Variants in GIN1 observed in about 807,000 individuals in gnomAD.
GIN1 encodes the protein gypsy retrotransposon integrase 1, also known as gypsy retrotransposon integrase-like protein 1.
In GIN1, 41 loss-of-function variants were observed where a neutral mutation model predicts 51.4. The ratio of observed to expected loss-of-function variants is 0.80; its 90% confidence interval spans 0.62 to 1.04. The LOEUF (loss-of-function observed/expected upper bound fraction) is 1.04, where lower values mean the gene tolerates loss of function less well. Ranked by LOEUF, GIN1 falls within the 50% of genes least tolerant of loss-of-function variation. The pLI is 0.00. For missense variants in GIN1, 610 were observed against 612.4 expected (o/e 1.00, Z 0.04); for synonymous variants, 222 against 206.5 (o/e 1.07, Z -0.64).
At chr5:103,101,005 C>T (rs1787557341) in intron 4 of GIN1, among the ~76,000 whole-genome samples, 1 of 152,086 alleles carries the variant, frequency 6.6e-6, no homozygotes, top group African/African-American at 2.4e-5. Flanking sequence ...GCAGGTAGTA[C>T]CTAACCCTAT....
chr5:103,088,725 T>C (rs34796), intron 7 of GIN1, among the ~76,000 whole-genome samples: 38,920 of 151,744 alleles, frequency 0.26, 5,465 homozygotes, highest in East Asian at 0.45. Flanking sequence ...GCCTGGGAGA[T>C]TGAGGTTGCA....
chr5:103,109,432 A>C (rs1787813504), intron 1 of GIN1, among the ~76,000 whole-genome samples: 1 of 152,124 alleles, frequency 6.6e-6, no homozygotes, highest in Non-Finnish European at 1.5e-5. Context: ...ATGCTGGAAC[A>C]AAGCAGAAAC....
At chr5:103,106,951 A>G (rs1052407896) in intron 2 of GIN1, 42 bp from the exon 3 acceptor site, 2 of 1,057,604 alleles carry the variant, frequency 1.9e-6, no homozygotes, top group African/African-American at 3.2e-5. Context: ...CAATTTTTAG[A>G]GATCTACGTA....
At chr5:103,088,715 G>A (rs1317469425) in intron 7 of GIN1, among the ~76,000 whole-genome samples, 2 of 152,040 alleles carry the variant, frequency 1.3e-5, no homozygotes, top group Non-Finnish European at 2.9e-5. Flanking sequence ...GATCACTTGA[G>A]CCTGGGAGAT....
At position 103,096,846 on chromosome 5, in the gene GIN1, AAG is replaced by A. The variant is rs368782566; in HGVS notation, c.1009-22_1009-21del. 11,355 of 1,486,186 alleles carry A rather than the reference AAG, an allele frequency of 7.6e-3. 66 individuals are homozygous for A. Among genetic ancestry groups the A allele is most frequent in the Non-Finnish European group, 8.5e-3 (9,143 of 1,074,350 alleles). 92.1% of individuals were successfully genotyped at this position (1,486,186 alleles called of 1,614,324 possible). ...CTCCATCTACAAGTGTAAAAAGAAA[AAG>A]AACAAAGAGATGAAAGAGCTATAAT... On this transcript the variant is annotated intron_variant, in intron 6 of 7. Transcript: ENST00000399004.
Position 103,108,700 on chromosome 5 carries a change from C to T in GIN1, c.8G>A (p.Arg3His), listed in dbSNP as rs782770824. The T allele has an allele frequency of 8.8e-6, 14 of 1,597,806 alleles. No individual in the cohort carries two copies. Among genetic ancestry groups the T allele is most frequent in the Middle Eastern group, 1.7e-4 (1 of 6,046 alleles). The change falls in exon 2 of 8, where the codon CGT becomes CAT. Residue 3 changes from arginine (R) to histidine (H), a missense_variant. Coordinates refer to ENST00000399004, the MANE Select transcript of GIN1 (RefSeq NM_017676.2). MVRSGKNGDLHLK... is the reference protein window; with the variant it reads MVHSGKNGDLHLK... ...ATGAAGGTCACCATTTTTTCCACTA[C>T]GGACCATTGTGAACCTAGGTAAAAG...
At chr5:103,096,314 TG>T (rs1787390748) in intron 7 of GIN1, among the ~76,000 whole-genome samples, 1 of 151,906 alleles carries the variant, frequency 6.6e-6, no homozygotes, top group Non-Finnish European at 1.5e-5. Context: ...CACTCCAGCT[TG>T]GGCAGAAAGA....
intron 4 of GIN1, among the ~76,000 whole-genome samples, chr5:103,101,173 G>C (rs782218420): frequency 5.3e-5 from 8 of 152,090 alleles, no homozygotes; most frequent in Non-Finnish European, 1.2e-4. Flanking sequence ...AATAAAATAA[G>C]GGTAACTTGG....
Position 103,097,424 on chromosome 5 carries a change from C to A in GIN1, c.898G>T (p.Asp300Tyr), listed in dbSNP as rs1554195221. The A allele has an allele frequency of 6.4e-7, 1 of 1,565,986 alleles. No homozygotes were observed. The highest frequency in any genetic ancestry group is 1.3e-5 in the African/African-American group (1 of 74,126). ...TCACCATCCACTTCATGAAGACTAT[C>A]TGAAGTCTCAGGCATATAAGGATTT... ...SRNPYMPETS[D>Y]SLHEVDGDNT... is the part of the protein sequence containing the mutation. Residue 300 changes from aspartate to tyrosine, a missense_variant, in exon 6 of 8, where the codon GAT (aspartate) becomes TAT (tyrosine). Asp to Tyr is a radical substitution (Grantham distance 160). Transcript: ENST00000399004.
In GIN1 at chr5:103,092,763, T is replaced by C. The variant is rs137919603; in HGVS notation, c.1294+3778A>G. 1.8e-3 allele frequency among the ~76,000 whole-genome samples: 268 copies of C among 151,620 alleles called. 1 individual carries two copies. Among genetic ancestry groups the C allele is most frequent in the South Asian group, 4.4e-3 (21 of 4,804 alleles). ...GAGTTTGAGACCAACCTGGGCAACA[T>C]AGTAAGACCCTGTCTCTATAAAAAA... On this transcript the variant is annotated intron_variant, in intron 7 of 7. Transcript: ENST00000399004.
At position 103,087,393 on chromosome 5, in the gene GIN1, T is replaced by C. The variant is rs1485253424; in HGVS notation, c.*505A>G. On this transcript the variant is annotated 3_prime_UTR_variant, in exon 8 of 8. Coordinates refer to ENST00000399004, the MANE Select transcript of GIN1 (RefSeq NM_017676.2). ...CAATTAGATAATTTGAAATTACCAATATTCTGTGAAAGCCTATTAAATAAC... is the reference window on the plus strand; with the variant it reads ...CAATTAGATAATTTGAAATTACCAACATTCTGTGAAAGCCTATTAAATAAC... 3 of 152,272 alleles carry C rather than the reference T, an allele frequency of 2.0e-5. No homozygotes were observed. Among genetic ancestry groups the C allele is most frequent in the South Asian group, 2.1e-4 (1 of 4,832 alleles). The allele number at this position is 152,272 out of a possible 1,614,324, so 9.4% of individuals were successfully genotyped here.
chr5:103,105,215 G>A (rs1554196174), intron 3 of GIN1, among the ~76,000 whole-genome samples: 1 of 152,064 alleles, frequency 6.6e-6, no homozygotes, highest in East Asian at 1.9e-4. Flanking sequence ...GTTTCACAGG[G>A]CTGACTGCAG....
chr5:103,115,657 C>T (rs1788012012), intron 1 of GIN1, among the ~76,000 whole-genome samples: 1 of 152,094 alleles, frequency 6.6e-6, no homozygotes, highest in African/African-American at 2.4e-5. Flanking sequence ...GAACTGCACA[C>T]TTAAAAATGG....
chr5:103,110,434 T>G lies in GIN1; in HGVS notation c.-7-1720A>C, dbSNP rs1377597831. On this transcript the variant is annotated intron_variant, in intron 1 of 7. Transcript: ENST00000399004. Reference sequence around the variant, plus strand: ...CCCAATTCAAAAAATGGGGGGAAATTTCTACACAGCACTTCATAAAAGAGA... The same window carrying G: ...CCCAATTCAAAAAATGGGGGGAAATGTCTACACAGCACTTCATAAAAGAGA... Among the ~76,000 whole-genome samples the G allele has an allele frequency of 2.4e-4, 36 of 151,990 alleles. 1 individual carries two copies. The highest frequency in any genetic ancestry group is 2.3e-3 in the Admixed American group (35 of 15,258).
rs782213565 is a variant in GIN1 at position 103,106,731 on chromosome 5, A to G, written c.318T>C (p.Asn106=). 1 of 1,587,198 alleles carries G rather than the reference A, an allele frequency of 6.3e-7. No homozygotes were observed. Among genetic ancestry groups the G allele is most frequent in the South Asian group, 1.1e-5 (1 of 87,190 alleles). The change falls in exon 3 of 8, where the codon AAT becomes AAC. Residue 106 remains asparagine, a synonymous_variant. Coordinates refer to ENST00000399004, the MANE Select transcript of GIN1 (RefSeq NM_017676.2). ...TAAGCCATACCCACTGTTTGACATC[A>G]TTGGTCACAGATGTCCAATAATAAT... ...ESNYYWTSVT[N]DVKQWVYACQ...
intron 7 of GIN1, among the ~76,000 whole-genome samples, chr5:103,093,044 G>C (rs1026179900): frequency 2.0e-5 from 3 of 149,738 alleles, no homozygotes; most frequent in African/African-American, 4.9e-5. Context: ...CTATATTAAC[G>C]TCAAGATCAT....
intron 1 of GIN1, among the ~76,000 whole-genome samples, chr5:103,111,450 C>G (rs909835384): frequency 2.0e-5 from 3 of 152,132 alleles, no homozygotes; most frequent in African/African-American, 7.2e-5. Context: ...ATATCCCATA[C>G]TAGCCAGTTG....
chr5:103,116,613 T>C (rs1348628474), intron 1 of GIN1, among the ~76,000 whole-genome samples: 1 of 151,782 alleles, frequency 6.6e-6, no homozygotes, highest in African/African-American at 2.4e-5. Flanking sequence ...AAAGAAAAAA[T>C]TAAAATTTTT....
In GIN1 at chr5:103,094,359, A is replaced by C. The variant is rs1399482225; in HGVS notation, c.1294+2182T>G. Among the ~76,000 whole-genome samples, 3 of 152,276 alleles carry C rather than the reference A, an allele frequency of 2.0e-5. No homozygotes were observed. In the East Asian group the frequency reaches 5.8e-4, roughly 29 times the overall value. ...GTAGTTCCTTTAGTTAACAAGAAAA[A>C]CTAAAACAGACTCATCTAATTAGTC... On this transcript the variant is annotated intron_variant, in intron 7 of 7. Coordinates refer to ENST00000399004, the MANE Select transcript of GIN1 (RefSeq NM_017676.2).
Sources: allele counts gnomAD v4.1 joint callset (sites outside exome capture counted in the v4.1 genomes callset), GRCh38; gene constraint gnomAD v4.1.1; transcripts MANE v1.5; gene names NCBI Gene and HGNC (gene_info 2026-07-23, HGNC 2026-07-21).